SGIP1: variants seen among roughly 807,000 people sequenced by gnomAD.
The protein encoded by SGIP1 is SH3-containing GRB2-like protein 3-interacting protein 1.
SGIP1 carries 38 observed loss-of-function variants against 107.5 expected under a neutral mutation model. That is an observed-to-expected ratio of 0.35 (90% CI 0.27 to 0.46). SGIP1 has a LOEUF of 0.46. Ranked by LOEUF, SGIP1 falls within the 20% of genes least tolerant of loss-of-function variation. The probability of loss-of-function intolerance (pLI) is 1.00; values close to 1 mark genes in which losing one functional copy is unlikely to be tolerated. For synonymous variants in SGIP1, 365 were observed against 366.1 expected (o/e 1.00, Z 0.03); for missense variants, 929 against 1,019.5 (o/e 0.91, Z 1.21).
At chr1:66,736,532 T>C (rs492358) in intron 21 of SGIP1, among the ~76,000 whole-genome samples, 19,633 of 21,834 alleles carry the variant, frequency 0.9, 9,298 homozygotes, top group Middle Eastern at 1. Context: ...TATAATATAT[T>C]GCGTATTATA....
intron 1 of SGIP1, among the ~76,000 whole-genome samples, chr1:66,621,735 T>C (rs2071193008): frequency 6.6e-6 from 1 of 152,238 alleles, no homozygotes; most frequent in Non-Finnish European, 1.5e-5. Flanking sequence ...TCATTTAGCA[T>C]AGTATTTTCA....
Position 66,745,949 on chromosome 1 carries a change from A to G in SGIP1, c.*2854A>G, listed in dbSNP as rs922125162. The G allele has an allele frequency of 6.6e-6, 1 of 152,128 alleles. No individual in the cohort carries two copies. Among genetic ancestry groups the G allele is most frequent in the Non-Finnish European group, 1.5e-5 (1 of 67,976 alleles). 9.4% of individuals were successfully genotyped at this position (152,128 alleles called of 1,614,324 possible). A position where few individuals can be genotyped will look rare whatever the true frequency, so the allele number is the denominator to read the frequency against. On this transcript the variant is annotated 3_prime_UTR_variant, in exon 25 of 25. Coordinates refer to ENST00000371037, the MANE Select transcript of SGIP1 (RefSeq NM_032291.4). ...TTTTTAAAGCTGTGTTCTTCTCTAC[A>G]CCCACAGCCAAAATGGAAATTCACT...
chr1:66,538,875 G>A (rs548333453), intron 1 of SGIP1, among the ~76,000 whole-genome samples: 1 of 152,230 alleles, frequency 6.6e-6, no homozygotes, highest in Admixed American at 6.5e-5. Context: ...AGCTTTAATT[G>A]GAGGACAATG....
intron 2 of SGIP1, among the ~76,000 whole-genome samples, chr1:66,631,095 G>GAAAGAAAA (rs1220953643): frequency 2.2e-5 from 3 of 136,462 alleles, no homozygotes; most frequent in Non-Finnish European, 4.8e-5. Context: ...AAGAAAGAAA[G>GAAAGAAAA]AAAGAAAAAA....
intron 18 of SGIP1, among the ~76,000 whole-genome samples, chr1:66,698,234 G>T (rs1293436835): frequency 2.0e-5 from 3 of 152,140 alleles, no homozygotes; most frequent in Non-Finnish European, 4.4e-5. Flanking sequence ...AGATAGAAAA[G>T]TGTTAGTGGT....
chr1:66,625,239 C>T (rs548188794), intron 1 of SGIP1, among the ~76,000 whole-genome samples: 40 of 152,150 alleles, frequency 2.6e-4, no homozygotes, highest in Non-Finnish European at 4.1e-4. Flanking sequence ...AAATTCTAAA[C>T]GTCCACAAAA....
Position 66,748,844 on chromosome 1 carries a change from A to G in SGIP1, c.*5749A>G, listed in dbSNP as rs927342229. Among the ~76,000 whole-genome samples, 8 of 152,014 alleles carry G rather than the reference A, an allele frequency of 5.3e-5. No individual in the cohort carries two copies. The highest frequency in any genetic ancestry group is 1.2e-4 in the Non-Finnish European group (8 of 67,886). On this transcript the variant is annotated 3_prime_UTR_variant, in exon 25 of 25. Transcript: ENST00000371037. ...AATTCTCTCTCCTTGGACATTGACAATAAATGTTAGTGTTTTAATGAAGCT... is the reference window on the plus strand; with the variant it reads ...AATTCTCTCTCCTTGGACATTGACAGTAAATGTTAGTGTTTTAATGAAGCT...
chr1:66,563,706 C>G (rs563996009), intron 1 of SGIP1, among the ~76,000 whole-genome samples: 1 of 152,062 alleles, frequency 6.6e-6, no homozygotes, highest in East Asian at 1.9e-4. Context: ...TCCCCCACCC[C>G]CCTCCACCCA....
intron 22 of SGIP1, 71 bp from the exon 23 acceptor site, chr1:66,740,587 A>C: frequency 3.2e-6 from 3 of 942,736 alleles, no homozygotes; most frequent in Non-Finnish European, 5.0e-6. Flanking sequence ...TACTATCTGG[A>C]AAAAAAACAT....
At chr1:66,738,993 G>T (rs902429222) in intron 21 of SGIP1, among the ~76,000 whole-genome samples, 1 of 152,032 alleles carries the variant, frequency 6.6e-6, no homozygotes, top group Non-Finnish European at 1.5e-5. Flanking sequence ...CTAGGGACTT[G>T]TCCAAGATCA....
chr1:66,712,171 T>C (rs1257811579), intron 18 of SGIP1, among the ~76,000 whole-genome samples: 1 of 152,182 alleles, frequency 6.6e-6, no homozygotes, highest in Non-Finnish European at 1.5e-5. Context: ...ATGTGAATCA[T>C]TGCACAGAAT....
chr1:66,648,979 G>A (rs886492719), intron 7 of SGIP1, among the ~76,000 whole-genome samples: 1 of 152,182 alleles, frequency 6.6e-6, no homozygotes, highest in African/African-American at 2.4e-5. Context: ...TACATGATGT[G>A]TAATTGGTAC....
chr1:66,612,572 T>C (rs1425331615), intron 1 of SGIP1, among the ~76,000 whole-genome samples: 1 of 152,250 alleles, frequency 6.6e-6, no homozygotes, highest in African/African-American at 2.4e-5. Context: ...ATAATAATTA[T>C]ATCAATAAAT....
intron 18 of SGIP1, among the ~76,000 whole-genome samples, chr1:66,715,029 A>C (rs2093152947): frequency 6.6e-6 from 1 of 152,108 alleles, no homozygotes; most frequent in Non-Finnish European, 1.5e-5. Flanking sequence ...TATGCAAAAT[A>C]CCTGGTATTC....
chr1:66,571,141 T>C (rs1198480182), intron 1 of SGIP1, among the ~76,000 whole-genome samples: 2 of 151,932 alleles, frequency 1.3e-5, no homozygotes, highest in African/African-American at 4.8e-5. Context: ...TAGAGTAAAC[T>C]ACAAGTTATA....
chr1:66,640,103 TG>T (rs1391257151), intron 5 of SGIP1, among the ~76,000 whole-genome samples: 1 of 152,170 alleles, frequency 6.6e-6, no homozygotes, highest in African/African-American at 2.4e-5. Flanking sequence ...GTATTTTATG[TG>T]TGGCCCAAGA....
At chr1:66,620,602 T>C (rs12062570) in intron 1 of SGIP1, among the ~76,000 whole-genome samples, 80,235 of 151,900 alleles carry the variant, frequency 0.53, 22,300 homozygotes, top group East Asian at 0.87. Flanking sequence ...CATAAACTCT[T>C]GTGAGAACTC....
At chr1:66,619,796 T>C (rs2070464607) in intron 1 of SGIP1, among the ~76,000 whole-genome samples, 1 of 152,160 alleles carries the variant, frequency 6.6e-6, no homozygotes, top group African/African-American at 2.4e-5. Flanking sequence ...GTCTTCTGTT[T>C]GGGACTCAGC....
intron 18 of SGIP1, among the ~76,000 whole-genome samples, chr1:66,696,859 T>G (rs2091017022): frequency 6.6e-6 from 1 of 152,226 alleles, no homozygotes; most frequent in African/African-American, 2.4e-5. Context: ...TAGATGAAAT[T>G]AGTAAGTGCC....
Sources: gnomAD v4.1 joint callset for allele counts (sites outside exome capture counted in the v4.1 genomes callset) on GRCh38, gnomAD v4.1.1 for gene constraint, MANE v1.5 for transcripts, NCBI Gene and HGNC (gene_info 2026-07-23, HGNC 2026-07-21) for gene names.